Variants in AADACL2 observed in about 807,000 individuals in gnomAD.
AADACL2 encodes the protein arylacetamide deacetylase like 2.
A neutral mutation model predicts 22.3 loss-of-function variants in AADACL2; 23 were observed. That is an observed-to-expected ratio of 1.03 (90% CI 0.74 to 1.46). AADACL2 has a LOEUF of 1.46. Ranked by LOEUF, AADACL2 falls within the 40% of genes most tolerant of loss-of-function variation. The pLI, the probability that AADACL2 is intolerant of heterozygous loss-of-function variation, is 0.00. For synonymous variants in AADACL2, 177 were observed against 166.2 expected (o/e 1.07, Z -0.50); for missense variants, 472 against 482.9 (o/e 0.98, Z 0.21).
chr3:151,754,837 C>T (rs184402086), intron 4 of AADACL2, among the ~76,000 whole-genome samples: 57 of 152,158 alleles, frequency 3.7e-4, no homozygotes, highest in Middle Eastern at 3.4e-3. Flanking sequence ...AGATGAATGT[C>T]ACATTTTTTT....
chr3:151,742,952 G>C lies in AADACL2; in HGVS notation c.362-1141G>C, dbSNP rs1713324977. ...CCACAGACCCTCTTTTTGGTCTCTGGAGCACACTTTTGTTTTACATGGAAG... is the reference window on the plus strand; with the variant it reads ...CCACAGACCCTCTTTTTGGTCTCTGCAGCACACTTTTGTTTTACATGGAAG... On this transcript the variant is annotated intron_variant, in intron 2 of 4. Coordinates refer to ENST00000356517, the MANE Select transcript of AADACL2 (RefSeq NM_207365.4). 2.0e-5 allele frequency among the ~76,000 whole-genome samples: 3 copies of C among 151,902 alleles called. No individual in the cohort carries two copies. The South Asian group carries it at 6.2e-4, about 32-fold the overall frequency.
At chr3:151,744,496 G>A (rs1713377933) in intron 3 of AADACL2, among the ~76,000 whole-genome samples, 1 of 152,070 alleles carries the variant, frequency 6.6e-6, no homozygotes, top group Non-Finnish European at 1.5e-5. Flanking sequence ...TGGGATACTG[G>A]ATTGTATTTG....
intron 2 of AADACL2, 99 bp downstream of exon 2, chr3:151,740,967 T>C (rs1713262698): frequency 2.1e-6 from 2 of 931,280 alleles, no homozygotes; most frequent in African/African-American, 3.3e-5. Context: ...TACATACATC[T>C]ATATATATAC....
At chr3:151,745,333 G>A (rs1713403164) in intron 3 of AADACL2, among the ~76,000 whole-genome samples, 176 bp from the exon 4 acceptor site, 1 of 152,076 alleles carries the variant, frequency 6.6e-6, no homozygotes, top group Non-Finnish European at 1.5e-5. Context: ...GTACAAGATT[G>A]AAAACCTTAT....
At chr3:151,734,696 C>T (rs1032048155) in intron 1 of AADACL2, among the ~76,000 whole-genome samples, 6 of 152,116 alleles carry the variant, frequency 3.9e-5, no homozygotes, top group Non-Finnish European at 5.9e-5. Context: ...GCAAAAATAG[C>T]TCCTTTAAAA....
At chr3:151,735,839 T>C (rs1470354855) in intron 1 of AADACL2, among the ~76,000 whole-genome samples, 1 of 152,216 alleles carries the variant, frequency 6.6e-6, no homozygotes, top group African/African-American at 2.4e-5. Flanking sequence ...AATACCTTAA[T>C]TTCCTTGGAA....
At chr3:151,738,916 T>C (rs533981142) in intron 1 of AADACL2, among the ~76,000 whole-genome samples, 1 of 152,316 alleles carries the variant, frequency 6.6e-6, no homozygotes, top group South Asian at 2.1e-4. Flanking sequence ...TCAAGGTTCT[T>C]AGCTTCCTTG....
Position 151,757,443 on chromosome 3 carries a change from C to T in AADACL2, c.1055C>T (p.Thr352Ile), listed in dbSNP as rs774430638. The T allele has an allele frequency of 6.2e-7, 1 of 1,613,556 alleles. No homozygotes were observed. Residue 352 changes from threonine (T) to isoleucine (I), a missense_variant, in exon 5 of 5, where the codon ACA becomes ATA. By Grantham distance (89) the Thr-to-Ile change is moderately conservative (BLOSUM62 -1). Coordinates refer to ENST00000356517, the MANE Select transcript of AADACL2 (RefSeq NM_207365.4). ...LLRDDGLMYV[T>I]RLRNVGVQVV... ...AGAGATGATGGACTTATGTATGTTA[C>T]AAGACTTCGAAATGTTGGAGTCCAA... is the stretch of plus-strand genomic sequence containing the variant.
At position 151,740,647 on chromosome 3, in the gene AADACL2, CTA is replaced by C; in HGVS notation, c.142_143del (p.Met48ValfsTer3). ...ATTTTGTTTGTTTTGTTCTTACAGG[CTA>C]TGTGTTTTGAAAATATGCGTATTAT... On this transcript the variant is annotated frameshift_variant and splice_region_variant, in exon 2 of 5. Coordinates refer to ENST00000356517, the MANE Select transcript of AADACL2 (RefSeq NM_207365.4). LOFTEE classifies it high-confidence loss of function. 1 of 1,595,760 alleles carries C rather than the reference CTA, an allele frequency of 6.3e-7. No homozygotes were observed. The highest frequency in any genetic ancestry group is 2.2e-5 in the East Asian group (1 of 44,550).
intron 1 of AADACL2, among the ~76,000 whole-genome samples, chr3:151,736,830 G>T (rs1160630557): frequency 1.3e-5 from 2 of 152,048 alleles, no homozygotes; most frequent in African/African-American, 4.8e-5. Context: ...AATCCTTTGG[G>T]TATATACCCA....
At chr3:151,734,271 C>T (rs1713020922) in intron 1 of AADACL2, 98 bp downstream of exon 1, 2 of 1,274,452 alleles carry the variant, frequency 1.6e-6, no homozygotes, top group South Asian at 3.5e-5. Flanking sequence ...TTAATATCAC[C>T]ATTTTGAAAG....
rs1348384845 is a variant in AADACL2 at position 151,757,877 on chromosome 3, G to A, written c.*283G>A. The A allele has an allele frequency of 4.5e-6, 1 of 222,696 alleles. No homozygotes were observed. Among genetic ancestry groups the A allele is most frequent in the Non-Finnish European group, 8.7e-6 (1 of 114,448 alleles). 13.8% of individuals were successfully genotyped at this position (222,696 alleles called of 1,614,324 possible). The stretch of plus-strand genomic sequence containing the variant: ...TTATTAAAGTTGAGAAATAAGAGTG[G>A]TTATTGGCAAATTAAGCAAGATACT... On this transcript the variant is annotated 3_prime_UTR_variant, in exon 5 of 5. Transcript: ENST00000356517.
At chr3:151,745,432 T>C in intron 3 of AADACL2, 77 bp from the exon 4 acceptor site, 2 of 1,433,276 alleles carry the variant, frequency 1.4e-6, no homozygotes, top group East Asian at 4.8e-5. Context: ...AGACTGGCAT[T>C]AAATTGCATC....
In AADACL2 at chr3:151,758,285, G is replaced by A. The variant is rs566557649; in HGVS notation, c.*691G>A. On this transcript the variant is annotated 3_prime_UTR_variant, in exon 5 of 5. Transcript: ENST00000356517. ...GGCCAGCATCTTCCAATCTCTTTCTGCTTCATCTTCACATTGCCTTCTTCT... is the reference window on the plus strand; with the variant it reads ...GGCCAGCATCTTCCAATCTCTTTCTACTTCATCTTCACATTGCCTTCTTCT... 2.6e-5 allele frequency: 4 copies of A among 152,204 alleles called. No individual in the cohort carries two copies. The East Asian group carries it at 5.8e-4, about 22-fold the overall frequency. 9.4% of individuals were successfully genotyped at this position (152,204 alleles called of 1,614,324 possible).
At chr3:151,742,240 T>A (rs1713301039) in intron 2 of AADACL2, among the ~76,000 whole-genome samples, 1 of 151,668 alleles carries the variant, frequency 6.6e-6, no homozygotes, top group Non-Finnish European at 1.5e-5. Context: ...ACTTTTGTGA[T>A]CTTTGTTTTT....
intron 4 of AADACL2, among the ~76,000 whole-genome samples, chr3:151,748,437 G>A (rs1193097269): frequency 6.6e-6 from 1 of 152,136 alleles, no homozygotes. Context: ...CTATAGCTTG[G>A]TCTTTCCCAG....
chr3:151,756,540 A>T (rs1713912766), intron 4 of AADACL2, among the ~76,000 whole-genome samples: 2 of 152,178 alleles, frequency 1.3e-5, no homozygotes, highest in South Asian at 4.1e-4. Context: ...TAGATTCTAT[A>T]ATGAAATAAT....
In AADACL2 at chr3:151,753,689, G is replaced by C. The variant is rs369228699; in HGVS notation, c.604-3303G>C. 3.9e-5 allele frequency among the ~76,000 whole-genome samples: 6 copies of C among 152,220 alleles called. No homozygotes were observed. In the East Asian group the frequency reaches 1.2e-3, roughly 29 times the overall value. On this transcript the variant is annotated intron_variant, in intron 4 of 4. Coordinates refer to ENST00000356517, the MANE Select transcript of AADACL2 (RefSeq NM_207365.4). Reference sequence around the variant, plus strand: ...GTTTGGTGAACAATACTTACCATTAGCAATGTAGGAACTCCTCAAATAACA... The same window carrying C: ...GTTTGGTGAACAATACTTACCATTACCAATGTAGGAACTCCTCAAATAACA...
intron 2 of AADACL2, 31 bp downstream of exon 2, chr3:151,740,899 C>T: frequency 6.3e-7 from 1 of 1,579,848 alleles, no homozygotes; most frequent in Non-Finnish European, 8.7e-7. Context: ...AAAAGTGTAG[C>T]TAGCTCTACA....
Sources: allele counts gnomAD v4.1 joint callset (sites outside exome capture counted in the v4.1 genomes callset), GRCh38; gene constraint gnomAD v4.1.1; transcripts MANE v1.5; gene names NCBI Gene and HGNC (gene_info 2026-07-23, HGNC 2026-07-21).